The following KCNH8 variants were observed in gnomAD, a reference collection of about 807,000 sequenced individuals.
The protein encoded by KCNH8 is potassium voltage-gated channel subfamily H member 8, also known as voltage-gated delayed rectifier potassium channel KCNH8.
Under a neutral mutation model 103.6 loss-of-function variants are expected in KCNH8, and 70 were observed. The ratio of observed to expected loss-of-function variants is 0.68; its 90% confidence interval spans 0.56 to 0.82. The LOEUF is 0.82. Ranked by LOEUF, KCNH8 falls within the 40% of genes least tolerant of loss-of-function variation. The probability of loss-of-function intolerance (pLI) is 0.00; values close to 1 mark genes in which losing one functional copy is unlikely to be tolerated. For synonymous variants in KCNH8, 498 were observed against 489.4 expected (o/e 1.02, Z -0.23); for missense variants, 1,217 against 1,329.9 (o/e 0.92, Z 1.32).
intron 4 of KCNH8, 28 bp from the exon 5 acceptor site, chr3:19,347,697 T>C: frequency 1.9e-6 from 3 of 1,609,856 alleles, no homozygotes; most frequent in Non-Finnish European, 2.5e-6. Flanking sequence ...GTGTTTCTCC[T>C]TTCTCTCCTT....
chr3:19,293,681 A>G (rs191128400), intron 3 of KCNH8, among the ~76,000 whole-genome samples: 2 of 152,340 alleles, frequency 1.3e-5, no homozygotes, highest in East Asian at 1.9e-4. Context: ...TATAGCATGT[A>G]TGCCTATCTG....
intron 11 of KCNH8, among the ~76,000 whole-genome samples, chr3:19,499,637 C>T (rs553873328): frequency 8.1e-4 from 124 of 152,246 alleles, no homozygotes; most frequent in African/African-American, 2.9e-3. Flanking sequence ...CAATATTCAA[C>T]ATTCTTAAGG....
At chr3:19,327,502 C>G (rs188512612) in intron 3 of KCNH8, among the ~76,000 whole-genome samples, 30 of 152,282 alleles carry the variant, frequency 2.0e-4, no homozygotes, top group African/African-American at 5.8e-4. Context: ...GTTGGCTGGT[C>G]TGGTCTTGAA....
At chr3:19,344,928 A>C (rs2065709947) in intron 4 of KCNH8, among the ~76,000 whole-genome samples, 1 of 151,958 alleles carries the variant, frequency 6.6e-6, no homozygotes, top group Non-Finnish European at 1.5e-5. Flanking sequence ...GTGGTACCCA[A>C]CCTTTAATCT....
At chr3:19,208,437 T>C (rs2063737877) in intron 1 of KCNH8, among the ~76,000 whole-genome samples, 2 of 152,008 alleles carry the variant, frequency 1.3e-5, no homozygotes, top group Admixed American at 6.6e-5. Context: ...TGTAATTAAA[T>C]TAACATCCTA....
chr3:19,217,306 C>T lies in KCNH8; in HGVS notation c.77-36348C>T, dbSNP rs541290128. Among the ~76,000 whole-genome samples, 6 of 152,080 alleles carry T rather than the reference C, an allele frequency of 3.9e-5. 1 individual carries two copies. The South Asian group carries it at 1.3e-3, about 32-fold the overall frequency. On this transcript the variant is annotated intron_variant, in intron 1 of 15. Coordinates refer to ENST00000328405, the MANE Select transcript of KCNH8 (RefSeq NM_144633.3). ...TGTCCAAACTTTCAAAGTAGGTGAC[C>T]CATTCTGTGAGCAAGTTGCACACAC...
intron 11 of KCNH8, among the ~76,000 whole-genome samples, chr3:19,494,017 T>G (rs1312050742): frequency 6.6e-6 from 1 of 152,154 alleles, no homozygotes; most frequent in East Asian, 1.9e-4. Context: ...CTCTTCACCC[T>G]CAAGTAGGCC....
intron 3 of KCNH8, among the ~76,000 whole-genome samples, chr3:19,318,426 C>G (rs935492140): frequency 6.6e-6 from 1 of 151,580 alleles, no homozygotes; most frequent in Non-Finnish European, 1.5e-5. Flanking sequence ...TCCTTCACCC[C>G]CACACCCTGT....
intron 10 of KCNH8, among the ~76,000 whole-genome samples, chr3:19,455,139 C>A (rs1463095860): frequency 6.6e-6 from 1 of 152,124 alleles, no homozygotes; most frequent in Non-Finnish European, 1.5e-5. Context: ...CTTGTCCAGT[C>A]AAGATGTGCA....
intron 3 of KCNH8, among the ~76,000 whole-genome samples, chr3:19,308,686 C>T (rs1575515063): frequency 1.5e-5 from 1 of 66,298 alleles, no homozygotes; most frequent in African/African-American, 8.1e-5. Flanking sequence ...CTCTCTCTCT[C>T]TCTCTCTCTC....
chr3:19,182,856 G>T (rs1175662885), intron 1 of KCNH8, among the ~76,000 whole-genome samples: 3 of 152,286 alleles, frequency 2.0e-5, no homozygotes, highest in Non-Finnish European at 1.5e-5. Context: ...CGTGAGAAAT[G>T]CATTTGAAAA....
intron 7 of KCNH8, among the ~76,000 whole-genome samples, chr3:19,419,382 A>G (rs2125155038): frequency 6.6e-6 from 1 of 150,846 alleles, no homozygotes; most frequent in East Asian, 2.0e-4. Context: ...TTGTATTTTT[A>G]GTAGAGACGG....
At chr3:19,251,612 C>T (rs1409712303) in intron 1 of KCNH8, among the ~76,000 whole-genome samples, 3 of 152,072 alleles carry the variant, frequency 2.0e-5, no homozygotes, top group Admixed American at 1.3e-4. Flanking sequence ...CAGTGCTTCT[C>T]CTGCTGGCCA....
At chr3:19,169,255 C>CTTTTTTTTTTTTTTT (rs768036667) in intron 1 of KCNH8, among the ~76,000 whole-genome samples, 1 of 124,964 alleles carries the variant, frequency 8.0e-6, no homozygotes, top group South Asian at 2.5e-4. Context: ...TTCTTTCTTT[C>CTTTTTTTTTTTTTTT]TTTTTTTTTT....
chr3:19,360,171 C>A (rs755777055), intron 5 of KCNH8, among the ~76,000 whole-genome samples: 1 of 151,874 alleles, frequency 6.6e-6, no homozygotes, highest in Non-Finnish European at 1.5e-5. Context: ...ATGCACATAC[C>A]CTAGGATTCA....
At chr3:19,504,852 T>TCTA (rs1426077960) in intron 11 of KCNH8, among the ~76,000 whole-genome samples, 1 of 151,918 alleles carries the variant, frequency 6.6e-6, no homozygotes, top group Non-Finnish European at 1.5e-5. Flanking sequence ...TATACATTGT[T>TCTA]CTACCATAAA....
rs2069242138 is a variant in KCNH8 at position 19,535,002 on chromosome 3, TAG to T, written c.*908_*909del. On this transcript the variant is annotated 3_prime_UTR_variant, in exon 16 of 16. Coordinates refer to ENST00000328405, the MANE Select transcript of KCNH8 (RefSeq NM_144633.3). ...AACTACATGAGCTTTGGCATGGGGA[TAG>T]AGAGGCTCCATCTAGGCTCTGCCAA... The T allele has an allele frequency of 6.6e-6, 1 of 152,198 alleles. No homozygotes were observed. The highest frequency in any genetic ancestry group is 2.4e-5 in the African/African-American group (1 of 41,446). The allele number at this position is 152,198 out of a possible 1,614,324, so 9.4% of individuals were successfully genotyped here.
At chr3:19,487,624 A>G (rs892461621) in intron 11 of KCNH8, among the ~76,000 whole-genome samples, 1 of 152,082 alleles carries the variant, frequency 6.6e-6, no homozygotes, top group African/African-American at 2.4e-5. Flanking sequence ...TCCTCTGCCC[A>G]TATTTGGGGC....
At chr3:19,351,951 A>G (rs1452882048) in intron 5 of KCNH8, among the ~76,000 whole-genome samples, 3 of 152,174 alleles carry the variant, frequency 2.0e-5, no homozygotes, top group African/African-American at 2.4e-5. Context: ...CAAATTGGAT[A>G]AAGAGTCAAG....
Sources: allele counts gnomAD v4.1 joint callset (sites outside exome capture counted in the v4.1 genomes callset), GRCh38; gene constraint gnomAD v4.1.1; transcripts MANE v1.5; gene names NCBI Gene and HGNC (gene_info 2026-07-23, HGNC 2026-07-21).